The following GPC3 variants were observed in gnomAD, a reference collection of about 807,000 sequenced individuals.
GPC3 encodes the protein glypican 3, also known as glypican-3.
A neutral mutation model predicts 34.4 loss-of-function variants in GPC3; 3 were observed. That is an observed-to-expected ratio of 0.09 (90% CI 0.04 to 0.23). GPC3 has a LOEUF of 0.23. Among genes scored for constraint, GPC3 ranks in the 10% least tolerant of loss-of-function variants. GPC3 has a pLI of 1.00. For synonymous variants in GPC3, 177 were observed against 174.0 expected, an observed-to-expected ratio of 1.02 and a Z score of -0.13; for missense variants, 351 against 445.6, an observed-to-expected ratio of 0.79 and a Z score of 1.91.
At chrX:133,566,680 T>C (rs1273170340) in intron 7 of GPC3, among the ~76,000 whole-genome samples, 2 of 111,110 alleles carry the variant, frequency 1.8e-5, no homozygotes, top group African/African-American at 6.6e-5. Flanking sequence ...TTGGTTTGAA[T>C]TGGGGAAGGT....
intron 2 of GPC3, among the ~76,000 whole-genome samples, chrX:133,915,031 G>T (rs2076218082): frequency 1.1e-5 from 1 of 90,120 alleles, no homozygotes; most frequent in African/African-American, 4.2e-5. Flanking sequence ...TCATCATCTG[G>T]CTCATAAAAG....
At chrX:133,707,580 G>T (rs1159100414) in intron 3 of GPC3, among the ~76,000 whole-genome samples, 1 of 110,833 alleles carries the variant, frequency 9.0e-6, no homozygotes, top group East Asian at 2.8e-4. Context: ...GATGACATGA[G>T]TCACTTCAGC....
intron 2 of GPC3, among the ~76,000 whole-genome samples, chrX:133,781,388 A>G (rs184933026): frequency 2.7e-5 from 3 of 112,332 alleles, no homozygotes; most frequent in Admixed American, 1.9e-4. Flanking sequence ...CACAGCCAGG[A>G]TAACAGAGGC....
Position 133,877,908 on chromosome X carries a change from C to T in GPC3, c.337+75142G>A, listed in dbSNP as rs760415371. ...AAAAGACTGGAGAGAAATACACCAACATATTAACCATTGAACCACTGTTAT... is the reference window on the plus strand; with the variant it reads ...AAAAGACTGGAGAGAAATACACCAATATATTAACCATTGAACCACTGTTAT... On this transcript the variant is annotated intron_variant, in intron 2 of 7. Coordinates refer to ENST00000370818, the MANE Select transcript of GPC3 (RefSeq NM_004484.4). Among the ~76,000 whole-genome samples, 3 of 110,862 alleles carry T rather than the reference C, an allele frequency of 2.7e-5. No homozygotes were observed. In the Admixed American group the frequency reaches 2.9e-4, roughly 11 times the overall value.
chrX:133,585,318 T>C (rs887051266), intron 7 of GPC3, among the ~76,000 whole-genome samples: 2 of 111,566 alleles, frequency 1.8e-5, no homozygotes, highest in Non-Finnish European at 3.8e-5. Context: ...TGGAGGGCAT[T>C]GGATGGCTCC....
rs1175656374 is a variant in GPC3 at position 133,735,818 on chromosome X, C to G, written c.1032+17664G>C. ...TCTCTACAAAAAATACAAAAATTAG[C>G]CTGGTGTGGTGGTGTGTGCCTGTAG... On this transcript the variant is annotated intron_variant, in intron 3 of 7. Transcript: ENST00000370818. Among the ~76,000 whole-genome samples, 6 of 108,973 alleles carry G rather than the reference C, an allele frequency of 5.5e-5. No homozygotes were observed. In the East Asian group the frequency reaches 1.7e-3, roughly 32 times the overall value. The allele number at this position is 108,973 out of a possible 115,157, so 94.6% of individuals were successfully genotyped here. A position where few individuals can be genotyped will look rare whatever the true frequency, so the allele number is the denominator to read the frequency against.
intron 2 of GPC3, among the ~76,000 whole-genome samples, chrX:133,825,231 C>T (rs139818809): frequency 0.019 from 2,115 of 111,839 alleles, 26 homozygotes; most frequent in Non-Finnish European, 0.025. Context: ...CAAGTAAAAT[C>T]GCTGAATCTT....
chrX:133,721,026 A>C (rs1379422839), intron 3 of GPC3, among the ~76,000 whole-genome samples: 1 of 109,946 alleles, frequency 9.1e-6, no homozygotes, highest in Non-Finnish European at 1.9e-5. Flanking sequence ...GTTCCCCAAA[A>C]ACTATTGAAA....
At chrX:133,589,462 C>T (rs888206054) in intron 7 of GPC3, among the ~76,000 whole-genome samples, 5 of 111,288 alleles carry the variant, frequency 4.5e-5, no homozygotes, top group Non-Finnish European at 7.5e-5. Context: ...CTGCAACCTC[C>T]GCCTCCCAGG....
chrX:133,555,272 T>C (rs1257072884), intron 7 of GPC3, among the ~76,000 whole-genome samples: 1 of 112,612 alleles, frequency 8.9e-6, no homozygotes, highest in East Asian at 2.8e-4. Flanking sequence ...TGGATGCTCC[T>C]CCTACTTCTC....
intron 6 of GPC3, among the ~76,000 whole-genome samples, chrX:133,649,268 ATG>A (rs201681195): frequency 0.2 from 20,244 of 103,808 alleles, 2,032 homozygotes; most frequent in Admixed American, 0.34. Flanking sequence ...ATATATATAT[ATG>A]TGTGTGTGTG....
intron 2 of GPC3, among the ~76,000 whole-genome samples, chrX:133,874,378 T>G (rs938827829): frequency 3.6e-5 from 4 of 111,911 alleles, no homozygotes; most frequent in Non-Finnish European, 5.6e-5. Flanking sequence ...CTTTAAAGAT[T>G]TGTCTATGTC....
chrX:133,843,223 T>C (rs2075833341), intron 2 of GPC3, among the ~76,000 whole-genome samples: 1 of 111,574 alleles, frequency 9.0e-6, no homozygotes, highest in Non-Finnish European at 1.9e-5. Flanking sequence ...AATCTCATGT[T>C]GAAATTCTAT....
chrX:133,780,024 G>A (rs147207156), intron 2 of GPC3, among the ~76,000 whole-genome samples: 2,013 of 111,990 alleles, frequency 0.018, 55 homozygotes, highest in African/African-American at 0.062. Flanking sequence ...ATGGATGGAT[G>A]AAATGAAATG....
intron 7 of GPC3, among the ~76,000 whole-genome samples, chrX:133,586,819 T>C (rs771425213): frequency 8.9e-6 from 1 of 111,831 alleles, no homozygotes; most frequent in South Asian, 3.8e-4. Context: ...AGATTCCTTC[T>C]TTTTTTATTT....
intron 3 of GPC3, among the ~76,000 whole-genome samples, chrX:133,700,967 C>CATA (rs1230500630): frequency 9.0e-6 from 1 of 111,580 alleles, no homozygotes; most frequent in Admixed American, 9.5e-5. Context: ...ATTTTAAAAA[C>CATA]ATAGGTGCTC....
chrX:133,808,637 C>T (rs1391051636), intron 2 of GPC3, among the ~76,000 whole-genome samples: 1 of 111,160 alleles, frequency 9.0e-6, no homozygotes, highest in Non-Finnish European at 1.9e-5. Context: ...TCCAATTCCA[C>T]TTCTACCACT....
chrX:133,775,611 G>A (rs921092080), intron 2 of GPC3, among the ~76,000 whole-genome samples: 23 of 111,452 alleles, frequency 2.1e-4, no homozygotes, highest in African/African-American at 5.9e-4. Flanking sequence ...GTATCGTGCC[G>A]GGGTCAGTAA....
chrX:133,847,287 T>C (rs2075850761), intron 2 of GPC3, among the ~76,000 whole-genome samples: 1 of 111,994 alleles, frequency 8.9e-6, no homozygotes, highest in African/African-American at 3.2e-5. Flanking sequence ...TCTTACTTCA[T>C]AATGGGCACA....
Sources: allele counts gnomAD v4.1 joint callset (sites outside exome capture counted in the v4.1 genomes callset), GRCh38; gene constraint gnomAD v4.1.1; transcripts MANE v1.5; gene names NCBI Gene and HGNC (gene_info 2026-07-23, HGNC 2026-07-21).